Variants in GABRB3 observed in about 807,000 individuals in gnomAD.
GABRB3 encodes gamma-aminobutyric acid receptor subunit beta-3.
A neutral mutation model predicts 52.1 loss-of-function variants in GABRB3; 14 were observed. That is an observed-to-expected ratio of 0.27 (90% CI 0.18 to 0.42). GABRB3 has a LOEUF of 0.42. Ranked by LOEUF, GABRB3 falls within the 10% of genes least tolerant of loss-of-function variation. The pLI is 1.00. For synonymous variants in GABRB3, 260 were observed against 232.3 expected (o/e 1.12, Z -1.08); for missense variants, 307 against 609.1 (o/e 0.50, Z 5.22).
At chr15:26,656,377 G>C (rs1414774675) in intron 3 of GABRB3, among the ~76,000 whole-genome samples, 1 of 152,130 alleles carries the variant, frequency 6.6e-6, no homozygotes, top group African/African-American at 2.4e-5. Flanking sequence ...TAAAATCAGA[G>C]TCTCTCAGAC....
At chr15:26,669,466 C>T (rs56312219) in intron 3 of GABRB3, among the ~76,000 whole-genome samples, 26,850 of 152,004 alleles carry the variant, frequency 0.18, 2,541 homozygotes, top group Middle Eastern at 0.25. Context: ...GGGTAGGTGT[C>T]CAACATGGTA....
intron 3 of GABRB3, among the ~76,000 whole-genome samples, chr15:26,653,447 C>T (rs989884402): frequency 1.4e-4 from 21 of 152,262 alleles, no homozygotes; most frequent in Non-Finnish European, 2.5e-4. Flanking sequence ...CAAGAAGAAT[C>T]CACTTCAATC....
chr15:26,631,726 A>G (rs1892918310), intron 3 of GABRB3, among the ~76,000 whole-genome samples: 2 of 152,214 alleles, frequency 1.3e-5, no homozygotes, highest in Non-Finnish European at 1.5e-5. Flanking sequence ...ATTCCAATCT[A>G]TTCCGTTTAA....
At chr15:26,554,175 AGT>A (rs1889643630) in intron 8 of GABRB3, among the ~76,000 whole-genome samples, 1 of 14,258 alleles carries the variant, frequency 7.0e-5, no homozygotes, top group African/African-American at 1.3e-4. Flanking sequence ...ATATATATAA[AGT>A]ATATATATAT....
chr15:26,749,248 T>C (rs1320252191), intron 3 of GABRB3, among the ~76,000 whole-genome samples: 2 of 152,164 alleles, frequency 1.3e-5, no homozygotes, highest in African/African-American at 4.8e-5. Flanking sequence ...CTATGTATCA[T>C]TTTATTTTCT....
At chr15:26,651,998 G>C (rs1038889221) in intron 3 of GABRB3, among the ~76,000 whole-genome samples, 1 of 152,040 alleles carries the variant, frequency 6.6e-6, no homozygotes. Context: ...GATTAACTGA[G>C]AGCCTGACAC....
chr15:26,732,267 TGG>T (rs1389629936), intron 3 of GABRB3, among the ~76,000 whole-genome samples: 9 of 150,570 alleles, frequency 6.0e-5, no homozygotes, highest in African/African-American at 2.2e-4. Flanking sequence ...GATGGATGGA[TGG>T]ATGGATGAAT....
chr15:26,544,619 T>TAC lies in GABRB3; in HGVS notation c.*3173_*3174insGT, dbSNP rs1022660735. The stretch of plus-strand genomic sequence containing the variant: ...TGGTGAACAGGAATAACACTTGTTT[T>TAC]AAGGACTACTCAAGTCTATCAGTCT... On this transcript the variant is annotated 3_prime_UTR_variant, in exon 9 of 9. Transcript: ENST00000311550. 4.5e-4 allele frequency: 68 copies of TAC among 152,330 alleles called. No homozygotes were observed. Among genetic ancestry groups the TAC allele is most frequent in the Middle Eastern group, 3.4e-3 (1 of 294 alleles). The allele number at this position is 152,330 out of a possible 1,614,324, so 9.4% of individuals were successfully genotyped here.
At chr15:26,566,214 T>G (rs1331329405) in intron 7 of GABRB3, among the ~76,000 whole-genome samples, 1 of 152,194 alleles carries the variant, frequency 6.6e-6, no homozygotes, top group Non-Finnish European at 1.5e-5. Context: ...TTTTGCAGCT[T>G]TACTCTTCAT....
intron 3 of GABRB3, among the ~76,000 whole-genome samples, chr15:26,728,300 G>A (rs1889823803): frequency 6.6e-6 from 1 of 152,186 alleles, no homozygotes; most frequent in Admixed American, 6.5e-5. Context: ...TGAGCAAAGT[G>A]TCCCCTCCAT....
intron 3 of GABRB3, among the ~76,000 whole-genome samples, chr15:26,761,511 TA>T (rs939178385): frequency 1.1e-4 from 16 of 152,154 alleles, no homozygotes; most frequent in African/African-American, 2.2e-4. Flanking sequence ...ATTTTATATG[TA>T]AATATATCTG....
intron 3 of GABRB3, among the ~76,000 whole-genome samples, chr15:26,763,911 C>T (rs1036053243): frequency 3.6e-4 from 54 of 151,570 alleles, no homozygotes; most frequent in Admixed American, 3.1e-3. Flanking sequence ...TTTGGGAGGC[C>T]GAGGCGGGTG....
At chr15:26,562,051 G>A (rs1264912919) in intron 7 of GABRB3, among the ~76,000 whole-genome samples, 1 of 152,160 alleles carries the variant, frequency 6.6e-6, no homozygotes, top group African/African-American at 2.4e-5. Flanking sequence ...TGTGGACCAT[G>A]TATTGCAATT....
At chr15:26,614,498 T>C (rs565304292) in intron 4 of GABRB3, 40 of 152,200 alleles carry the variant, frequency 2.6e-4, no homozygotes, top group Non-Finnish European at 4.3e-4. Flanking sequence ...TATACTTTAT[T>C]GCTGGTGGGA....
chr15:26,670,988 C>T (rs1465611410), intron 3 of GABRB3, among the ~76,000 whole-genome samples: 1 of 152,122 alleles, frequency 6.6e-6, no homozygotes, highest in East Asian at 1.9e-4. Context: ...AAGTGATCCT[C>T]CTGCCTCAGC....
At chr15:26,721,832 T>C (rs2140141978) in intron 3 of GABRB3, among the ~76,000 whole-genome samples, 1 of 151,914 alleles carries the variant, frequency 6.6e-6, no homozygotes, top group East Asian at 2.0e-4. Context: ...GAGCCAGGAC[T>C]AGCAGATTTC....
intron 4 of GABRB3, among the ~76,000 whole-genome samples, chr15:26,619,845 C>T (rs1892409216): frequency 6.7e-6 from 1 of 150,276 alleles, no homozygotes; most frequent in Admixed American, 6.6e-5. Flanking sequence ...CACACATTAC[C>T]ACACAAAACA....
In GABRB3 at chr15:26,731,137, T is replaced by C. The variant is rs553268691; in HGVS notation, c.240+41265A>G. On this transcript the variant is annotated intron_variant, in intron 3 of 8. Transcript: ENST00000311550. Reference sequence around the variant, plus strand: ...ACTATTTTCATACAAAGATTATAATTGACATTGATCTCACAGTTCTGTTTT... The same window carrying C: ...ACTATTTTCATACAAAGATTATAATCGACATTGATCTCACAGTTCTGTTTT... Among the ~76,000 whole-genome samples, 3 of 152,174 alleles carry C rather than the reference T, an allele frequency of 2.0e-5. No homozygotes were observed. In the East Asian group the frequency reaches 5.8e-4, roughly 29 times the overall value.
chr15:26,711,157 A>T (rs571619140), intron 3 of GABRB3, among the ~76,000 whole-genome samples: 1 of 152,344 alleles, frequency 6.6e-6, no homozygotes, highest in Admixed American at 6.5e-5. Context: ...GAATGATATC[A>T]TTGGCCTATA....
Sources: allele counts gnomAD v4.1 joint callset (sites outside exome capture counted in the v4.1 genomes callset), GRCh38; gene constraint gnomAD v4.1.1; transcripts MANE v1.5; gene names NCBI Gene and HGNC (gene_info 2026-07-23, HGNC 2026-07-21).